The following PRKG1 variants were observed in gnomAD, a reference collection of about 807,000 sequenced individuals.
PRKG1 encodes the protein cGMP-dependent protein kinase 1.
PRKG1 carries 35 observed loss-of-function variants against 88.1 expected under a neutral mutation model. The observed-to-expected ratio is 0.40, with a 90% CI of 0.30 to 0.53. The LOEUF is 0.53. Ranked by LOEUF, PRKG1 falls within the 20% of genes least tolerant of loss-of-function variation. PRKG1 has a pLI of 0.59. For synonymous variants in PRKG1, 303 were observed against 292.5 expected, an observed-to-expected ratio of 1.04 and a Z score of -0.37; for missense variants, 540 against 839.8, an observed-to-expected ratio of 0.64 and a Z score of 4.41.
At chr10:51,942,412 C>G (rs1195946095) in intron 5 of PRKG1, among the ~76,000 whole-genome samples, 2 of 150,476 alleles carry the variant, frequency 1.3e-5, no homozygotes, top group Non-Finnish European at 3.0e-5. Flanking sequence ...TGCCTGTTCA[C>G]TCTGATGGTA....
intron 4 of PRKG1, among the ~76,000 whole-genome samples, chr10:51,874,126 C>T (rs1314711979): frequency 6.6e-6 from 1 of 152,184 alleles, no homozygotes; most frequent in East Asian, 1.9e-4. Flanking sequence ...TTCACTAAAT[C>T]TTGATTACTG....
chr10:52,011,790 T>TG (rs1364163882), intron 5 of PRKG1, among the ~76,000 whole-genome samples: 1 of 152,132 alleles, frequency 6.6e-6, no homozygotes, highest in Non-Finnish European at 1.5e-5. Context: ...AATTCTCTTG[T>TG]GTTGTGGGAG....
intron 2 of PRKG1, among the ~76,000 whole-genome samples, chr10:51,349,474 GTGTGTGTGTA>G (rs1356614463): frequency 6.7e-6 from 1 of 149,666 alleles, no homozygotes; most frequent in African/African-American, 2.5e-5. Flanking sequence ...GTGTGTGTGT[GTGTGTGTGTA>G]TGTGTGTGTG....
At chr10:51,486,104 A>G (rs1443191219) in intron 3 of PRKG1, among the ~76,000 whole-genome samples, 3 of 152,088 alleles carry the variant, frequency 2.0e-5, no homozygotes, top group Non-Finnish European at 4.4e-5. Context: ...CATTATTATT[A>G]TTATTTTTGT....
At chr10:51,299,393 A>G (rs1182456808) in intron 2 of PRKG1, among the ~76,000 whole-genome samples, 7 of 151,974 alleles carry the variant, frequency 4.6e-5, no homozygotes, top group Admixed American at 3.3e-4. Flanking sequence ...TTTAGTAGAG[A>G]TGGGGTTTCA....
rs3031003 is a variant in PRKG1 at position 52,198,813 on chromosome 10, A to AGTGTGT, written c.1076+36866_1076+36871dup. Among the ~76,000 whole-genome samples the AGTGTGT allele has an allele frequency of 7.7e-3, 1,153 of 148,882 alleles. 15 individuals carry two copies. The highest frequency in any genetic ancestry group is 0.026 in the African/African-American group (1,067 of 40,552). ...TCTTTACCTTTCCTTTTGGGGTGTG[A>AGTGTGT]GTGTGTGTGTGTGTGTGTGTGCATG... On this transcript the variant is annotated intron_variant, in intron 9 of 17. Transcript: ENST00000373980.
chr10:51,604,365 G>T (rs1028408972), intron 3 of PRKG1, among the ~76,000 whole-genome samples: 1 of 151,986 alleles, frequency 6.6e-6, no homozygotes, highest in Non-Finnish European at 1.5e-5. Flanking sequence ...TTAAGATGGC[G>T]TTTATAAAAG....
chr10:51,880,051 A>T (rs1329387673), intron 4 of PRKG1, among the ~76,000 whole-genome samples: 1 of 152,196 alleles, frequency 6.6e-6, no homozygotes, highest in East Asian at 1.9e-4. Flanking sequence ...TTGCTTCTGG[A>T]CGTATTTTCT....
intron 1 of PRKG1, among the ~76,000 whole-genome samples, chr10:51,113,616 A>C (rs1845029620): frequency 1.3e-5 from 2 of 152,050 alleles, no homozygotes; most frequent in Non-Finnish European, 2.9e-5. Flanking sequence ...ACAAACAATG[A>C]AATTTTGCAG....
intron 5 of PRKG1, 68 bp from the exon 6 acceptor site, chr10:52,054,416 G>T: frequency 1.7e-6 from 2 of 1,159,862 alleles, no homozygotes; most frequent in South Asian, 1.3e-5. Flanking sequence ...GTTGATATTT[G>T]AAGAGGCTGA....
rs1841697523 is a variant in PRKG1, at chr10:51,330,130, T to C, written c.479-137593T>C. Among the ~76,000 whole-genome samples the C allele has an allele frequency of 2.1e-5, 3 of 143,916 alleles. No individual in the cohort carries two copies. In the South Asian group the frequency reaches 6.5e-4, roughly 31 times the overall value. 94.4% of individuals were successfully genotyped at this position (143,916 alleles called of 152,430 possible). On this transcript the variant is annotated intron_variant, in intron 2 of 17. Transcript: ENST00000373980. The stretch of plus-strand genomic sequence containing the variant: ...TTTTATTTATTTATTTATTTATTTA[T>C]TTATTTATTTATTTATTTTTTATTT...
chr10:51,116,595 G>C (rs533700846), intron 1 of PRKG1, among the ~76,000 whole-genome samples: 5 of 152,162 alleles, frequency 3.3e-5, no homozygotes, highest in Non-Finnish European at 7.4e-5. Context: ...AACAGTAAAA[G>C]GTGTCTGCAG....
chr10:51,494,586 T>C (rs772049160), intron 3 of PRKG1, among the ~76,000 whole-genome samples: 4 of 152,166 alleles, frequency 2.6e-5, no homozygotes, highest in Non-Finnish European at 5.9e-5. Flanking sequence ...ATAGCAAACA[T>C]TGCCAGGCAG....
chr10:52,213,401 A>G (rs1021004201), intron 9 of PRKG1, among the ~76,000 whole-genome samples: 1 of 152,204 alleles, frequency 6.6e-6, no homozygotes, highest in Non-Finnish European at 1.5e-5. Context: ...ATGTCCTAAC[A>G]TGCAGACTCA....
rs531054331 is a variant in PRKG1 at position 51,878,911 on chromosome 10, T to C, written c.699-28596T>C. On this transcript the variant is annotated intron_variant, in intron 4 of 17. Coordinates refer to ENST00000373980, the MANE Select transcript of PRKG1 (RefSeq NM_006258.4). ...AAACAAAGCATTTGAGTCACTTATT[T>C]AAGAACCAGACCTCTGCAAATGGAA... 2.0e-5 allele frequency among the ~76,000 whole-genome samples: 3 copies of C among 152,292 alleles called. No homozygotes were observed. In the South Asian group the frequency reaches 6.2e-4, roughly 32 times the overall value.
At chr10:51,593,996 G>T (rs1222707019) in intron 3 of PRKG1, among the ~76,000 whole-genome samples, 1 of 151,922 alleles carries the variant, frequency 6.6e-6, no homozygotes, top group Non-Finnish European at 1.5e-5. Context: ...AAAGTGTTGT[G>T]ATTACAGGTG....
intron 3 of PRKG1, among the ~76,000 whole-genome samples, chr10:51,481,601 T>A (rs1445539006): frequency 6.6e-6 from 1 of 152,180 alleles, no homozygotes; most frequent in Non-Finnish European, 1.5e-5. Context: ...AATTTAAAAA[T>A]TCATTAATTT....
chr10:51,655,040 G>A (rs1840129779), intron 3 of PRKG1, among the ~76,000 whole-genome samples: 2 of 152,168 alleles, frequency 1.3e-5, no homozygotes, highest in South Asian at 4.1e-4. Context: ...CTATACAAGT[G>A]TGTAAATCTT....
At chr10:51,630,627 T>C (rs1226234741) in intron 3 of PRKG1, among the ~76,000 whole-genome samples, 1 of 152,218 alleles carries the variant, frequency 6.6e-6, no homozygotes, top group African/African-American at 2.4e-5. Flanking sequence ...ATTGTCAATA[T>C]TGGTAGGCTC....
Sources: gnomAD v4.1 joint callset for allele counts (sites outside exome capture counted in the v4.1 genomes callset) on GRCh38, gnomAD v4.1.1 for gene constraint, MANE v1.5 for transcripts, NCBI Gene and HGNC (gene_info 2026-07-23, HGNC 2026-07-21) for gene names.